Variants in CFAP43 observed in about 807,000 individuals in gnomAD.
CFAP43 encodes cilia- and flagella-associated protein 43.
In CFAP43, 155 loss-of-function variants were observed where a neutral mutation model predicts 218.9. That is an observed-to-expected ratio of 0.71 (90% CI 0.62 to 0.81). CFAP43 has a LOEUF of 0.81. Among genes scored for constraint, CFAP43 ranks in the 30% least tolerant of loss-of-function variants. CFAP43 has a pLI of 0.00. For synonymous variants in CFAP43, 645 were observed against 681.3 expected (o/e 0.95, Z 0.83); for missense variants, 1,778 against 1,954.3 (o/e 0.91, Z 1.70).
intron 36 of CFAP43, 72 bp from the exon 37 acceptor site, chr10:104,131,556 A>T (rs185922781): frequency 6.9e-7 from 1 of 1,451,070 alleles, no homozygotes; most frequent in Non-Finnish European, 9.2e-7. Context: ...TAAAGACATT[A>T]TTCTTATATT....
chr10:104,208,973 C>T (rs2090775573), intron 5 of CFAP43, among the ~76,000 whole-genome samples: 1 of 152,120 alleles, frequency 6.6e-6, no homozygotes. Context: ...TATTTAAAGT[C>T]CTGTAATGTA....
intron 3 of CFAP43, among the ~76,000 whole-genome samples, chr10:104,224,083 G>C (rs1046298807): frequency 3.9e-5 from 6 of 152,038 alleles, no homozygotes; most frequent in Non-Finnish European, 8.8e-5. Context: ...TTGCTCTGTC[G>C]CCAAGGCTGG....
At position 104,172,839 on chromosome 10, in the gene CFAP43, T is replaced by C. The variant is rs561762529; in HGVS notation, c.2461-304A>G. Reference sequence around the variant, plus strand: ...CACTAACAGCATTGTGGTTATGTGTTTTAAGAGTCTTTATCATTTAGAGAT... The same window carrying C: ...CACTAACAGCATTGTGGTTATGTGTCTTAAGAGTCTTTATCATTTAGAGAT... On this transcript the variant is annotated intron_variant, in intron 19 of 37. Coordinates refer to ENST00000357060, the MANE Select transcript of CFAP43 (RefSeq NM_025145.7). 5.3e-5 allele frequency among the ~76,000 whole-genome samples: 8 copies of C among 152,250 alleles called. No homozygotes were observed. The South Asian group carries it at 1.7e-3, about 32-fold the overall frequency.
chr10:104,143,344 T>C, intron 32 of CFAP43, 82 bp downstream of exon 32: 1 of 1,234,518 alleles, frequency 8.1e-7, no homozygotes, highest in Non-Finnish European at 1.1e-6. Flanking sequence ...AATAATTAGC[T>C]TTTTTGGTTA....
At chr10:104,146,896 T>C (rs1056794765) in intron 29 of CFAP43, among the ~76,000 whole-genome samples, 9 of 152,132 alleles carry the variant, frequency 5.9e-5, no homozygotes, top group African/African-American at 2.2e-4. Context: ...TAAAATGAGT[T>C]GTCCCGCTTC....
chr10:104,159,350 G>A (rs2088751000), intron 27 of CFAP43, among the ~76,000 whole-genome samples: 1 of 152,160 alleles, frequency 6.6e-6, no homozygotes, highest in African/African-American at 2.4e-5. Context: ...CACAAGAACA[G>A]TAGAAAGAAC....
At chr10:104,221,310 T>C (rs146235149) in intron 3 of CFAP43, among the ~76,000 whole-genome samples, 37 of 152,328 alleles carry the variant, frequency 2.4e-4, no homozygotes, top group African/African-American at 8.9e-4. Flanking sequence ...GGAATTGCTA[T>C]GGTCTGTTTG....
intron 6 of CFAP43, among the ~76,000 whole-genome samples, chr10:104,206,637 C>T (rs1018669437): frequency 3.9e-5 from 6 of 152,106 alleles, no homozygotes; most frequent in Non-Finnish European, 7.4e-5. Context: ...TCAGTGAAGT[C>T]CATCCTAAAG....
At chr10:104,158,112 CTCT>C (rs1370109479) in intron 27 of CFAP43, among the ~76,000 whole-genome samples, 6 of 152,116 alleles carry the variant, frequency 3.9e-5, no homozygotes, top group African/African-American at 1.4e-4. Context: ...AGAGGAAAAG[CTCT>C]TCTTTGCAGA....
intron 7 of CFAP43, 122 bp downstream of exon 7, chr10:104,205,841 C>G: frequency 1.2e-6 from 1 of 812,200 alleles, no homozygotes; most frequent in Non-Finnish European, 2.0e-6. Flanking sequence ...AAGAGGAAAC[C>G]ATTTTAATTA....
chr10:104,173,939 T>C (rs1423647879), intron 19 of CFAP43, among the ~76,000 whole-genome samples: 2 of 152,094 alleles, frequency 1.3e-5, no homozygotes, highest in African/African-American at 2.4e-5. Flanking sequence ...GAAAAGTTAA[T>C]TGAGTGAGAA....
intron 16 of CFAP43, among the ~76,000 whole-genome samples, chr10:104,184,282 T>C (rs1338844644): frequency 1.3e-5 from 2 of 152,116 alleles, no homozygotes; most frequent in Non-Finnish European, 2.9e-5. Flanking sequence ...GTTTGGGGAC[T>C]GAAACTGTCT....
intron 23 of CFAP43, 95 bp from the exon 24 acceptor site, chr10:104,164,395 AC>A: frequency 9.6e-7 from 1 of 1,041,956 alleles, no homozygotes; most frequent in Non-Finnish European, 1.3e-6. Context: ...AAATCATTCC[AC>A]AAATTTTTTT....
At position 104,131,515 on chromosome 10, in the gene CFAP43, A is replaced by G. The variant is rs757254405; in HGVS notation, c.4678-31T>C. The G allele has an allele frequency of 1.9e-6, 3 of 1,581,722 alleles. No homozygotes were observed. In the South Asian group the frequency reaches 3.5e-5, roughly 19 times the overall value. On this transcript the variant is annotated intron_variant, in intron 36 of 37. Transcript: ENST00000357060. ...ATTTTTGTTCCCATGACACCCCACA[A>G]AATTAATTTTGAAAAATGTAATTTA...
chr10:104,155,600 A>G (rs1165929506), intron 27 of CFAP43, among the ~76,000 whole-genome samples: 1 of 152,164 alleles, frequency 6.6e-6, no homozygotes, highest in African/African-American at 2.4e-5. Flanking sequence ...AGTACTATGG[A>G]GAACCACAAG....
At chr10:104,157,775 T>TGA (rs139314213) in intron 27 of CFAP43, among the ~76,000 whole-genome samples, 2,471 of 90,072 alleles carry the variant, frequency 0.027, 68 homozygotes, top group Non-Finnish European at 0.039. Context: ...TGTGTGTGTG[T>TGA]GAGAGAGAGA....
intron 34 of CFAP43, among the ~76,000 whole-genome samples, chr10:104,135,427 G>T (rs1024626003): frequency 1.3e-5 from 2 of 152,084 alleles, no homozygotes; most frequent in Admixed American, 6.6e-5. Flanking sequence ...AAACTGAAAA[G>T]ATGTAAAACA....
intron 19 of CFAP43, among the ~76,000 whole-genome samples, chr10:104,172,871 T>C (rs758165321): frequency 7.9e-5 from 12 of 152,164 alleles, no homozygotes; most frequent in Non-Finnish European, 1.5e-4. Flanking sequence ...AGATACATAC[T>C]GAAATAATTA....
At chr10:104,150,671 C>T (rs991421314) in intron 28 of CFAP43, among the ~76,000 whole-genome samples, 1 of 152,164 alleles carries the variant, frequency 6.6e-6, no homozygotes, top group African/African-American at 2.4e-5. Flanking sequence ...CTTTCAAAAG[C>T]TCTCATCAAA....
Sources: gnomAD v4.1 joint callset for allele counts (sites outside exome capture counted in the v4.1 genomes callset) on GRCh38, gnomAD v4.1.1 for gene constraint, MANE v1.5 for transcripts, NCBI Gene and HGNC (gene_info 2026-07-23, HGNC 2026-07-21) for gene names.